PEBP4: variants seen among roughly 807,000 people sequenced by gnomAD.
The protein encoded by PEBP4 is phosphatidylethanolamine binding protein 4, also known as phosphatidylethanolamine-binding protein 4.
A neutral mutation model predicts 23.9 loss-of-function variants in PEBP4; 22 were observed. The observed-to-expected ratio is 0.92, with a 90% confidence interval of 0.66 to 1.31. The LOEUF (loss-of-function observed/expected upper bound fraction) is 1.31, where lower values mean the gene tolerates loss of function less well. Ranked by LOEUF, PEBP4 falls within the 40% of genes most tolerant of loss-of-function variation. PEBP4 has a pLI of 0.00. For synonymous variants in PEBP4, 112 were observed against 99.3 expected (o/e 1.13, Z -0.76); for missense variants, 324 against 281.7 (o/e 1.15, Z -1.07).
rs751111948 is a variant in PEBP4 at position 22,724,896 on chromosome 8, T to C, written c.464A>G (p.Tyr155Cys). The change falls in exon 6 of 7, where the codon TAT becomes TGT. Residue 155 changes from tyrosine to cysteine, a missense_variant. Transcript: ENST00000256404. ...SGFHRYQFFVYLQEGKVISLL... is the reference protein window; with the variant it reads ...SGFHRYQFFVCLQEGKVISLL... ...AGAGATGACTTTTCCTTCCTGAAGA[T>C]AGACAAAGAACTGGTAGCGATGGAA... 9.9e-6 allele frequency: 16 copies of C among 1,614,006 alleles called. No homozygotes were observed. In the South Asian group the frequency reaches 1.2e-4, roughly 12 times the overall value.
At chr8:22,904,117 C>A (rs1004885285) in intron 3 of PEBP4, among the ~76,000 whole-genome samples, 1 of 152,166 alleles carries the variant, frequency 6.6e-6, no homozygotes, top group Non-Finnish European at 1.5e-5. Flanking sequence ...TAATGAGAAA[C>A]ATCAAATACT....
chr8:22,816,859 G>C (rs773608961), intron 4 of PEBP4, among the ~76,000 whole-genome samples: 6 of 152,152 alleles, frequency 3.9e-5, no homozygotes, highest in South Asian at 4.1e-4. Flanking sequence ...TGAACAAAAG[G>C]ATTCAATAAT....
Position 22,798,247 on chromosome 8 carries a change from G to T in PEBP4, c.357+19390C>A, listed in dbSNP as rs573182129. On this transcript the variant is annotated intron_variant, in intron 4 of 6. Transcript: ENST00000256404. ...CCTGGAGCCTTGCTAATTCTGGAGA[G>T]AATGCTCTTCCCAGGGCTAGCAAAT... Among the ~76,000 whole-genome samples, 60 of 152,280 alleles carry T rather than the reference G, an allele frequency of 3.9e-4. 1 individual carries two copies. In the South Asian group the frequency reaches 0.011, roughly 29 times the overall value.
Position 22,811,626 on chromosome 8 carries a change from C to T in PEBP4, c.357+6011G>A, listed in dbSNP as rs556466289. Among the ~76,000 whole-genome samples, 150 of 152,312 alleles carry T rather than the reference C, an allele frequency of 9.8e-4. 1 individual carries two copies. Among genetic ancestry groups the T allele is most frequent in the African/African-American group, 3.5e-3 (147 of 41,570 alleles). ...CTGGCTGTCACTTGCAGCCCAGCAT[C>T]ACACCTGGGCTGTGGCCTGGGACGG... On this transcript the variant is annotated intron_variant, in intron 4 of 6. Transcript: ENST00000256404.
At chr8:22,910,215 A>C (rs1193762422) in intron 3 of PEBP4, among the ~76,000 whole-genome samples, 1 of 152,244 alleles carries the variant, frequency 6.6e-6, no homozygotes, top group African/African-American at 2.4e-5. Flanking sequence ...GGAGATGAAG[A>C]GTGTGAAATG....
rs894718387 is a variant in PEBP4, at chr8:22,849,954, G to A, written c.259-32219C>T. On this transcript the variant is annotated intron_variant, in intron 3 of 6. Coordinates refer to ENST00000256404, the MANE Select transcript of PEBP4 (RefSeq NM_144962.3). Reference sequence around the variant, plus strand: ...CACATGTGGGCATTTGGTAAATGCTGGGTGGAAAGAAATAGTGATCAAATT... The same window carrying A: ...CACATGTGGGCATTTGGTAAATGCTAGGTGGAAAGAAATAGTGATCAAATT... Among the ~76,000 whole-genome samples the A allele has an allele frequency of 2.6e-5, 4 of 152,210 alleles. No homozygotes were observed. The South Asian group carries it at 8.3e-4, about 32-fold the overall frequency.
chr8:22,724,813 G>C (rs768632029), intron 6 of PEBP4, 30 bp downstream of exon 6: 1 of 1,546,792 alleles, frequency 6.5e-7, no homozygotes, highest in South Asian at 1.1e-5. Context: ...ATTCACCCCG[G>C]TGGTGGCTGG....
At chr8:22,782,264 G>C (rs149975592) in intron 4 of PEBP4, among the ~76,000 whole-genome samples, 1 of 152,334 alleles carries the variant, frequency 6.6e-6, no homozygotes, top group Non-Finnish European at 1.5e-5. Context: ...TGCCTTACCA[G>C]TGGGCTTGAT....
intron 3 of PEBP4, among the ~76,000 whole-genome samples, chr8:22,917,137 T>C: frequency 7.4e-6 from 1 of 135,722 alleles, no homozygotes; most frequent in African/African-American, 2.8e-5. Context: ...GAGGGGGGGG[T>C]GTTCCCAGGC....
chr8:22,846,343 G>A (rs1807436940), intron 3 of PEBP4, among the ~76,000 whole-genome samples: 1 of 152,124 alleles, frequency 6.6e-6, no homozygotes, highest in African/African-American at 2.4e-5. Context: ...GAGTGGAAAA[G>A]GGGAAATGTG....
At chr8:22,900,326 C>G (rs905496279) in intron 3 of PEBP4, among the ~76,000 whole-genome samples, 1 of 152,176 alleles carries the variant, frequency 6.6e-6, no homozygotes, top group African/African-American at 2.4e-5. Context: ...ACATTTTCTC[C>G]TTTGATGCCC....
intron 3 of PEBP4, among the ~76,000 whole-genome samples, chr8:22,849,393 G>T (rs183294500): frequency 6.6e-6 from 1 of 152,214 alleles, no homozygotes; most frequent in Non-Finnish European, 1.5e-5. Context: ...GAAGTGGGGC[G>T]TCCCACTGCA....
chr8:22,787,990 T>A (rs1016579503), intron 4 of PEBP4, among the ~76,000 whole-genome samples: 1 of 151,438 alleles, frequency 6.6e-6, no homozygotes, highest in Non-Finnish European at 1.5e-5. Context: ...GGGGGAGGCG[T>A]GCAACGGGCC....
chr8:22,728,210 G>T (rs921002814), intron 4 of PEBP4, among the ~76,000 whole-genome samples: 4 of 152,092 alleles, frequency 2.6e-5, no homozygotes, highest in African/African-American at 9.7e-5. Flanking sequence ...GTGGGGGCAG[G>T]GGCAGGAGAG....
intron 3 of PEBP4, among the ~76,000 whole-genome samples, chr8:22,826,291 G>T (rs1452145458): frequency 6.6e-6 from 1 of 152,236 alleles, no homozygotes; most frequent in African/African-American, 2.4e-5. Flanking sequence ...AAGCCTGACA[G>T]CACACTCTGC....
intron 3 of PEBP4, among the ~76,000 whole-genome samples, chr8:22,893,024 TC>T (rs890966064): frequency 6.6e-6 from 1 of 152,204 alleles, no homozygotes; most frequent in African/African-American, 2.4e-5. Context: ...CAGAAGGTCC[TC>T]TTTGAGTCTT....
At chr8:22,810,762 C>T (rs1461022398) in intron 4 of PEBP4, among the ~76,000 whole-genome samples, 1 of 149,756 alleles carries the variant, frequency 6.7e-6, no homozygotes, top group East Asian at 2.0e-4. Flanking sequence ...TCTGCCTGAT[C>T]CAGGAATTCT....
intron 4 of PEBP4, among the ~76,000 whole-genome samples, chr8:22,817,105 C>CA (rs1421956587): frequency 1.3e-5 from 2 of 152,204 alleles, no homozygotes; most frequent in African/African-American, 4.8e-5. Flanking sequence ...GACAAAGACA[C>CA]AAAGATGAGA....
At chr8:22,837,890 C>CTT (rs746772591) in intron 3 of PEBP4, among the ~76,000 whole-genome samples, 24 of 64,566 alleles carry the variant, frequency 3.7e-4, no homozygotes, top group East Asian at 6.7e-4. Flanking sequence ...TTATTATATT[C>CTT]TTTTTTTTTT....
Sources: allele counts gnomAD v4.1 joint callset (sites outside exome capture counted in the v4.1 genomes callset), GRCh38; gene constraint gnomAD v4.1.1; transcripts MANE v1.5; gene names NCBI Gene and HGNC (gene_info 2026-07-23, HGNC 2026-07-21).